The following CDC14A variants were observed in gnomAD, a reference collection of about 807,000 sequenced individuals.
The protein encoded by CDC14A is cell division cycle 14A, also known as dual specificity protein phosphatase CDC14A.
Under a neutral mutation model 74.4 loss-of-function variants are expected in CDC14A, and 53 were observed. That is an observed-to-expected ratio of 0.71 (90% CI 0.57 to 0.89). The LOEUF (loss-of-function observed/expected upper bound fraction) is 0.89, where lower values mean the gene tolerates loss of function less well. CDC14A is among the 40% of genes least tolerant of loss of function. The pLI, the probability that CDC14A is intolerant of heterozygous loss-of-function variation, is 0.00. For missense variants in CDC14A, 646 were observed against 713.7 expected (o/e 0.91, Z 1.08); for synonymous variants, 247 against 258.4 (o/e 0.96, Z 0.43).
chr1:100,411,314 C>T (rs1297032753), intron 4 of CDC14A, among the ~76,000 whole-genome samples: 1 of 152,198 alleles, frequency 6.6e-6, no homozygotes, highest in Non-Finnish European at 1.5e-5. Context: ...TTCTTGTTGT[C>T]TCTGTGTACC....
intron 8 of CDC14A, among the ~76,000 whole-genome samples, chr1:100,461,110 C>A (rs1667268437): frequency 2.0e-5 from 3 of 152,144 alleles, no homozygotes; most frequent in Admixed American, 6.6e-5. Flanking sequence ...ACAGCTAGTA[C>A]CTTTAAGGCT....
rs767048954 is a variant in CDC14A, at chr1:100,442,962, A to T, written c.485A>T (p.Glu162Val). ...TTACAACATGGATTTTTTGACTTTG[A>T]GACATTTGATGTGGATGAATATGAA... ...KGLQHGFFDFETFDVDEYEHY... is the reference protein window; with the variant it reads ...KGLQHGFFDFVTFDVDEYEHY... Residue 162 changes from glutamate (E) to valine (V), a missense_variant, in exon 7 of 16, where the codon GAG becomes GTG. Coordinates refer to ENST00000336454, the MANE Select transcript of CDC14A (RefSeq NM_003672.4). The T allele has an allele frequency of 4.4e-6, 7 of 1,604,346 alleles. No individual in the cohort carries two copies. Among genetic ancestry groups the T allele is most frequent in the Non-Finnish European group, 6.0e-6 (7 of 1,171,818 alleles).
chr1:100,515,215 G>A (rs936964962), intron 15 of CDC14A, among the ~76,000 whole-genome samples: 1 of 152,122 alleles, frequency 6.6e-6, no homozygotes, highest in East Asian at 1.9e-4. Context: ...GAGACCGTCA[G>A]CACAACCCCG....
intron 11 of CDC14A, among the ~76,000 whole-genome samples, chr1:100,488,270 C>G (rs1670249895): frequency 6.6e-6 from 1 of 152,116 alleles, no homozygotes; most frequent in Admixed American, 6.5e-5. Flanking sequence ...CTCTATTAAT[C>G]CTTACAGTAG....
chr1:100,514,218 T>G (rs1301895192), intron 15 of CDC14A, among the ~76,000 whole-genome samples: 2 of 152,166 alleles, frequency 1.3e-5, no homozygotes, highest in East Asian at 3.8e-4. Flanking sequence ...TATAATTTAT[T>G]TTGTATTTCA....
intron 5 of CDC14A, among the ~76,000 whole-genome samples, chr1:100,438,030 A>G (rs1260478946): frequency 2.6e-5 from 4 of 152,138 alleles, no homozygotes; most frequent in Non-Finnish European, 4.4e-5. Flanking sequence ...TACCTTATCA[A>G]TTATAAAGTT....
At chr1:100,457,178 T>C (rs1446396020) in intron 8 of CDC14A, among the ~76,000 whole-genome samples, 1 of 152,376 alleles carries the variant, frequency 6.6e-6, no homozygotes, top group East Asian at 1.9e-4. Flanking sequence ...CTACGTTTTC[T>C]TAATGAGAAA....
intron 5 of CDC14A, among the ~76,000 whole-genome samples, chr1:100,431,278 C>T (rs766925609): frequency 1.2e-4 from 18 of 151,014 alleles, no homozygotes; most frequent in South Asian, 2.1e-4. Flanking sequence ...ATTTGTGTTG[C>T]GAAAATTCGC....
chr1:100,412,524 A>G (rs1031224794), intron 4 of CDC14A, among the ~76,000 whole-genome samples: 8 of 149,668 alleles, frequency 5.3e-5, no homozygotes, highest in Admixed American at 3.3e-4. Context: ...TACTACCAGG[A>G]AACCTGCCAT....
At chr1:100,382,435 A>C (rs1656275945) in intron 3 of CDC14A, among the ~76,000 whole-genome samples, 1 of 145,136 alleles carries the variant, frequency 6.9e-6, no homozygotes, top group Admixed American at 7.0e-5. Flanking sequence ...GCAGGGACAC[A>C]CTATGTTGAT....
At chr1:100,516,293 C>T (rs1177963007) in intron 15 of CDC14A, among the ~76,000 whole-genome samples, 18 of 152,044 alleles carry the variant, frequency 1.2e-4, no homozygotes. Context: ...TATGCACACA[C>T]ACATATTTGC....
intron 4 of CDC14A, among the ~76,000 whole-genome samples, chr1:100,418,939 C>A (rs540130897): frequency 6.6e-6 from 1 of 152,186 alleles, no homozygotes; most frequent in African/African-American, 2.4e-5. Context: ...AATCCCAGCA[C>A]TTTGGGAGGC....
At chr1:100,397,023 A>G (rs980811887) in intron 4 of CDC14A, among the ~76,000 whole-genome samples, 9 of 151,162 alleles carry the variant, frequency 6.0e-5, no homozygotes, top group Non-Finnish European at 1.0e-4. Context: ...TTCTTAAAAC[A>G]TTATGAGATT....
intron 15 of CDC14A, among the ~76,000 whole-genome samples, chr1:100,516,138 A>G (rs1650203184): frequency 1.3e-5 from 2 of 152,250 alleles, no homozygotes; most frequent in South Asian, 4.1e-4. Flanking sequence ...ATAGAAGACT[A>G]ATGAATATAT....
intron 4 of CDC14A, among the ~76,000 whole-genome samples, chr1:100,394,341 C>T (rs533296923): frequency 3.3e-5 from 5 of 152,246 alleles, no homozygotes; most frequent in Non-Finnish European, 7.4e-5. Context: ...GGCTTCAGGA[C>T]TCCTGGCCTC....
intron 4 of CDC14A, among the ~76,000 whole-genome samples, chr1:100,414,494 G>C (rs943156182): frequency 1.3e-5 from 2 of 152,126 alleles, no homozygotes; most frequent in Non-Finnish European, 2.9e-5. Context: ...ACAAAGTTAT[G>C]GTTCCTTGCC....
chr1:100,357,938 T>C (rs1332446088), intron 2 of CDC14A, among the ~76,000 whole-genome samples: 1 of 152,178 alleles, frequency 6.6e-6, no homozygotes, highest in African/African-American at 2.4e-5. Flanking sequence ...GTCAACCTTC[T>C]GAGATGCTGG....
intron 11 of CDC14A, among the ~76,000 whole-genome samples, chr1:100,493,935 A>T (rs1015707698): frequency 1.3e-5 from 2 of 152,104 alleles, no homozygotes; most frequent in African/African-American, 2.4e-5. Context: ...AGGGGAGGGG[A>T]CTATTACGGC....
At chr1:100,408,212 C>T (rs2101030203) in intron 4 of CDC14A, among the ~76,000 whole-genome samples, 1 of 152,294 alleles carries the variant, frequency 6.6e-6, no homozygotes, top group Middle Eastern at 3.4e-3. Flanking sequence ...ATTATGGCCT[C>T]CAGCTCCATC....
Sources: allele counts gnomAD v4.1 joint callset (sites outside exome capture counted in the v4.1 genomes callset), GRCh38; gene constraint gnomAD v4.1.1; transcripts MANE v1.5; gene names NCBI Gene and HGNC (gene_info 2026-07-23, HGNC 2026-07-21).